Variants in EVI5 observed in about 807,000 individuals in gnomAD.
The protein encoded by EVI5 is ecotropic viral integration site 5 protein homolog.
Under a neutral mutation model 112.0 loss-of-function variants are expected in EVI5, and 73 were observed. The ratio of observed to expected loss-of-function variants is 0.65; its 90% CI spans 0.54 to 0.79. The LOEUF (loss-of-function observed/expected upper bound fraction) is 0.79, where lower values mean the gene tolerates loss of function less well. Among genes scored for constraint, EVI5 ranks in the 30% least tolerant of loss-of-function variants. The pLI is 0.00. For missense variants in EVI5, 900 were observed against 968.8 expected (o/e 0.93, Z 0.94); for synonymous variants, 305 against 319.9 (o/e 0.95, Z 0.50).
At chr1:92,748,355 AC>A in intron 1 of EVI5, among the ~76,000 whole-genome samples, 1 of 152,120 alleles carries the variant, frequency 6.6e-6, no homozygotes, top group Non-Finnish European at 1.5e-5. Context: ...ATGTGAACAT[AC>A]CCCCAACTGA....
At chr1:92,636,103 A>AT in intron 14 of EVI5, 99 bp downstream of exon 14, 1 of 1,002,246 alleles carries the variant, frequency 1.0e-6, no homozygotes, top group Non-Finnish European at 1.5e-6. Context: ...CTTCTAATGT[A>AT]TAAAAACACC....
At chr1:92,646,660 A>G (rs1661026040) in intron 13 of EVI5, among the ~76,000 whole-genome samples, 1 of 152,254 alleles carries the variant, frequency 6.6e-6, no homozygotes, top group East Asian at 1.9e-4. Flanking sequence ...AGTTGATAAC[A>G]GGATTTCTAG....
In EVI5 at chr1:92,589,859, A is replaced by G. The variant is rs368912243; in HGVS notation, c.2070+15448T>C. 7.9e-5 allele frequency among the ~76,000 whole-genome samples: 12 copies of G among 151,858 alleles called. No individual in the cohort carries two copies. The South Asian group carries it at 2.3e-3, about 29-fold the overall frequency. ...CCCCTGAGTAGCCTAACTGAGAGGC[A>G]CCCCCCCGTATGGGCAGACTGACAC... On this transcript the variant is annotated intron_variant, in intron 18 of 19. Coordinates refer to ENST00000684568, the MANE Select transcript of EVI5 (RefSeq NM_001350197.2).
At chr1:92,575,326 C>T (rs1007866917) in intron 18 of EVI5, among the ~76,000 whole-genome samples, 1 of 152,014 alleles carries the variant, frequency 6.6e-6, no homozygotes, top group Non-Finnish European at 1.5e-5. Flanking sequence ...ATTTTACTAC[C>T]GTATATTTCA....
chr1:92,710,665 G>A (rs185889582), intron 2 of EVI5, among the ~76,000 whole-genome samples: 52 of 151,860 alleles, frequency 3.4e-4, no homozygotes, highest in African/African-American at 1.0e-3. Context: ...TCTCCTAACT[G>A]GGTCACTACA....
At chr1:92,580,396 T>C (rs1170445620) in intron 18 of EVI5, 2 of 152,384 alleles carry the variant, frequency 1.3e-5, no homozygotes, top group East Asian at 3.9e-4. Flanking sequence ...GCTTAAGTAA[T>C]AAATTTTAAA....
intron 10 of EVI5, among the ~76,000 whole-genome samples, chr1:92,674,479 G>T (rs543315107): frequency 6.6e-6 from 1 of 152,178 alleles, no homozygotes; most frequent in South Asian, 2.1e-4. Flanking sequence ...AGCAGGAGTT[G>T]AACAATGAGA....
intron 9 of EVI5, among the ~76,000 whole-genome samples, chr1:92,690,632 G>A (rs968081263): frequency 5.6e-4 from 85 of 152,086 alleles, no homozygotes; most frequent in South Asian, 2.1e-4. Flanking sequence ...TTATAGGTGT[G>A]AGCCACTGTG....
intron 4 of EVI5, among the ~76,000 whole-genome samples, chr1:92,702,936 G>GA: frequency 6.6e-6 from 1 of 152,084 alleles, no homozygotes; most frequent in East Asian, 1.9e-4. Context: ...GTAGCTAAAA[G>GA]AAAAAGTAAC....
chr1:92,662,735 T>C lies in EVI5; in HGVS notation c.1376A>G (p.Gln459Arg). 7.8e-7 allele frequency: 1 copy of C among 1,281,998 alleles called. No homozygotes were observed. Among genetic ancestry groups the C allele is most frequent in the Admixed American group, 2.4e-5 (1 of 41,812 alleles). 79.4% of individuals were successfully genotyped at this position (1,281,998 alleles called of 1,614,324 possible). A position where few individuals can be genotyped will look rare whatever the true frequency, so the allele number is the denominator to read the frequency against. ...EQAENTIRKL[Q>R]HQQQWHKCSS... ...ACTCCTTACCCATTGTTGTTGGTGC[T>C]GGAGCTTCCTGATGGTATTTTCAGC... The change falls in exon 13 of 20, where the codon CAG becomes CGG. Residue 459 changes from glutamine to arginine, a missense_variant. Transcript: ENST00000684568.
intron 1 of EVI5, among the ~76,000 whole-genome samples, chr1:92,773,063 C>T (rs1028128240): frequency 6.7e-6 from 1 of 149,052 alleles, no homozygotes; most frequent in African/African-American, 2.5e-5. Context: ...CAAAATTAGC[C>T]GGATGTGGTG....
At chr1:92,689,767 C>T (rs1669174456) in intron 9 of EVI5, among the ~76,000 whole-genome samples, 1 of 152,194 alleles carries the variant, frequency 6.6e-6, no homozygotes, top group Admixed American at 6.5e-5. Flanking sequence ...AACCTTAAAA[C>T]ATTCTGAATA....
chr1:92,751,843 C>T (rs957162942), intron 1 of EVI5, among the ~76,000 whole-genome samples: 1 of 151,988 alleles, frequency 6.6e-6, no homozygotes, highest in African/African-American at 2.4e-5. Context: ...GAAACCCCAT[C>T]TCTACTAAAA....
At chr1:92,660,000 C>A (rs1427700346) in intron 13 of EVI5, among the ~76,000 whole-genome samples, 1 of 151,812 alleles carries the variant, frequency 6.6e-6, no homozygotes, top group Non-Finnish European at 1.5e-5. Context: ...ATATTGCATA[C>A]CGTCACTTAT....
chr1:92,666,132 A>G, intron 10 of EVI5, 140 bp from the exon 11 acceptor site: 1 of 565,720 alleles, frequency 1.8e-6, no homozygotes, highest in Non-Finnish European at 3.1e-6. Context: ...AATGTCAAAG[A>G]CTCAGAGTAA....
In EVI5 at chr1:92,785,059, C is replaced by T. The variant is rs981681212; in HGVS notation, c.-305G>A. On this transcript the variant is annotated 5_prime_UTR_variant, in exon 1 of 20. Coordinates refer to ENST00000684568, the MANE Select transcript of EVI5 (RefSeq NM_001350197.2). Reference sequence around the variant, plus strand: ...GGAACTGCAGCCAGCCCCTTGCCAGCTGGCCAGCTGGTTCCTCCGGGGTCC... The same window carrying T: ...GGAACTGCAGCCAGCCCCTTGCCAGTTGGCCAGCTGGTTCCTCCGGGGTCC... 4.1e-5 allele frequency: 40 copies of T among 985,566 alleles called. No homozygotes were observed. Among genetic ancestry groups the T allele is most frequent in the East Asian group, 1.1e-4 (1 of 8,796 alleles). 61.1% of individuals were successfully genotyped at this position (985,566 alleles called of 1,614,324 possible). A position where few individuals can be genotyped will look rare whatever the true frequency, so the allele number is the denominator to read the frequency against.
chr1:92,520,395 GATGTAA>G (rs1557701907), intron 19 of EVI5, among the ~76,000 whole-genome samples: 1 of 152,092 alleles, frequency 6.6e-6, no homozygotes, highest in Non-Finnish European at 1.5e-5. Context: ...TAATTCTAAT[GATGTAA>G]ATGTAAACTA....
intron 19 of EVI5, among the ~76,000 whole-genome samples, chr1:92,534,505 G>A (rs987755372): frequency 2.6e-5 from 4 of 152,128 alleles, no homozygotes; most frequent in Non-Finnish European, 5.9e-5. Flanking sequence ...AAAGCTGAAG[G>A]TATCACGCTA....
chr1:92,523,160 A>C (rs4970710), intron 19 of EVI5, among the ~76,000 whole-genome samples: 129,612 of 152,160 alleles, frequency 0.85, 55,581 homozygotes, highest in East Asian at 0.97. Flanking sequence ...CAGAGTGCTG[A>C]AATTATAGAT....
Sources: allele counts gnomAD v4.1 joint callset (sites outside exome capture counted in the v4.1 genomes callset), GRCh38; gene constraint gnomAD v4.1.1; transcripts MANE v1.5; gene names NCBI Gene and HGNC (gene_info 2026-07-23, HGNC 2026-07-21).